The following CNBD1 variants were observed in gnomAD, a reference collection of about 807,000 sequenced individuals.
CNBD1 encodes the protein cyclic nucleotide-binding domain-containing protein 1.
In CNBD1, 71 loss-of-function variants were observed where a neutral mutation model predicts 54.4. That is an observed-to-expected ratio of 1.30 (90% CI 1.08 to 1.59). The LOEUF (loss-of-function observed/expected upper bound fraction) is 1.59, where lower values mean the gene tolerates loss of function less well. Ranked by LOEUF, CNBD1 falls within the 40% of genes most tolerant of loss-of-function variation. The probability of loss-of-function intolerance (pLI) is 0.00; values close to 1 mark genes in which losing one functional copy is unlikely to be tolerated. For missense variants in CNBD1, 659 were observed against 518.0 expected (o/e 1.27, Z -2.64); for synonymous variants, 182 against 170.7 (o/e 1.07, Z -0.51).
chr8:87,427,703 T>C (rs1039285375), intron 2 of CNBD1, among the ~76,000 whole-genome samples: 11 of 152,188 alleles, frequency 7.2e-5, no homozygotes, highest in Non-Finnish European at 7.4e-5. Context: ...GAGGTTATTT[T>C]TGATTTCAAG....
intron 3 of CNBD1, among the ~76,000 whole-genome samples, chr8:86,930,170 C>T (rs1809431972): frequency 6.6e-6 from 1 of 152,170 alleles, no homozygotes; most frequent in South Asian, 2.1e-4. Context: ...TCCCAAAGAA[C>T]CCCCGCAACT....
In CNBD1 at chr8:87,266,438, CTTTTTTTTTTT is replaced by C. The variant is rs72293236; in HGVS notation, c.772-18220_772-18210del. 8.9e-3 allele frequency among the ~76,000 whole-genome samples: 448 copies of C among 50,136 alleles called. 4 individuals carry two copies. Among genetic ancestry groups the C allele is most frequent in the African/African-American group, 0.033 (378 of 11,616 alleles). The allele number at this position is 50,136 out of a possible 152,430, so 32.9% of individuals were successfully genotyped here. ...GGTCCAAGTAAAAAAAAAAAAAAATCTTTTTTTTTTTTTTTTTTTTTTTTTTTTTTGAGACA... is the reference window on the plus strand; with the variant it reads ...GGTCCAAGTAAAAAAAAAAAAAAATCTTTTTTTTTTTTTTTTTTTGAGACA... On this transcript the variant is annotated intron_variant, in intron 6 of 10. Coordinates refer to ENST00000518476, the MANE Select transcript of CNBD1 (RefSeq NM_173538.3).
At chr8:87,058,319 A>G (rs571070574) in intron 4 of CNBD1, among the ~76,000 whole-genome samples, 3 of 152,256 alleles carry the variant, frequency 2.0e-5, no homozygotes, top group South Asian at 4.1e-4. Context: ...TTTTCCAGGC[A>G]TGTGGTGCAA....
chr8:87,109,291 G>A (rs1282839190), intron 4 of CNBD1, among the ~76,000 whole-genome samples: 2 of 151,992 alleles, frequency 1.3e-5, no homozygotes, highest in Non-Finnish European at 2.9e-5. Flanking sequence ...TTTAGCACTC[G>A]GAGGGTCCCT....
At chr8:87,364,199 T>A (rs1810588328) in intron 10 of CNBD1, among the ~76,000 whole-genome samples, 2 of 151,640 alleles carry the variant, frequency 1.3e-5, no homozygotes, top group South Asian at 2.1e-4. Flanking sequence ...CAAAAAATAT[T>A]GTATATCACA....
chr8:86,940,381 G>A (rs1160808417), intron 4 of CNBD1, among the ~76,000 whole-genome samples: 1 of 152,046 alleles, frequency 6.6e-6, no homozygotes, highest in African/African-American at 2.4e-5. Flanking sequence ...TGGCCAGGGT[G>A]GTCTCGAACT....
intron 2 of CNBD1, among the ~76,000 whole-genome samples, chr8:87,417,224 A>G (rs910040106): frequency 6.6e-6 from 1 of 152,028 alleles, no homozygotes; most frequent in Non-Finnish European, 1.5e-5. Context: ...GATGCAGGCA[A>G]GAGTGAATGT....
At chr8:86,982,732 A>G (rs894290515) in intron 4 of CNBD1, among the ~76,000 whole-genome samples, 1 of 152,154 alleles carries the variant, frequency 6.6e-6, no homozygotes, top group Non-Finnish European at 1.5e-5. Flanking sequence ...GAGTTATCCC[A>G]TCTTACCTTC....
At chr8:87,418,357 A>C (rs954340251) in intron 2 of CNBD1, among the ~76,000 whole-genome samples, 8 of 151,950 alleles carry the variant, frequency 5.3e-5, no homozygotes, top group African/African-American at 1.7e-4. Context: ...ACCATGTAAA[A>C]AATTAAATAA....
chr8:86,920,109 G>A (rs1372699538), intron 3 of CNBD1, among the ~76,000 whole-genome samples: 3 of 152,054 alleles, frequency 2.0e-5, no homozygotes, highest in Non-Finnish European at 2.9e-5. Flanking sequence ...TCATCTAAGG[G>A]CTTATTTCAA....
At chr8:87,110,042 G>C (rs913734774) in intron 4 of CNBD1, among the ~76,000 whole-genome samples, 1 of 152,160 alleles carries the variant, frequency 6.6e-6, no homozygotes, top group African/African-American at 2.4e-5. Context: ...GTGAGTCTGT[G>C]CATATTCTTA....
intron 4 of CNBD1, among the ~76,000 whole-genome samples, chr8:87,111,726 T>C (rs1193556270): frequency 7.9e-5 from 12 of 152,166 alleles, no homozygotes; most frequent in Admixed American, 7.9e-4. Flanking sequence ...CATGTATCCT[T>C]TCTCTAGGAA....
At chr8:87,270,676 G>A (rs1041544564) in intron 6 of CNBD1, among the ~76,000 whole-genome samples, 1 of 151,700 alleles carries the variant, frequency 6.6e-6, no homozygotes, top group African/African-American at 2.4e-5. Flanking sequence ...ATATTGGCCT[G>A]TAGTTTCTTT....
chr8:86,984,478 CTG>C (rs1251660528), intron 4 of CNBD1, among the ~76,000 whole-genome samples: 1 of 152,118 alleles, frequency 6.6e-6, no homozygotes, highest in Non-Finnish European at 1.5e-5. Context: ...ACATCTTGCA[CTG>C]TGTGTCTGGA....
chr8:87,219,997 A>G (rs1272796350), intron 5 of CNBD1, among the ~76,000 whole-genome samples: 2 of 152,052 alleles, frequency 1.3e-5, no homozygotes, highest in Non-Finnish European at 2.9e-5. Context: ...ATAAATTCCT[A>G]TAAACTTTGG....
intron 8 of CNBD1, among the ~76,000 whole-genome samples, chr8:87,320,524 C>T (rs1348575577): frequency 6.6e-6 from 1 of 151,232 alleles, no homozygotes; most frequent in Non-Finnish European, 1.5e-5. Context: ...AATTATGTGC[C>T]ACCTCCCTTA....
At chr8:87,232,735 A>G (rs141809817) in intron 5 of CNBD1, among the ~76,000 whole-genome samples, 6 of 152,284 alleles carry the variant, frequency 3.9e-5, no homozygotes, top group African/African-American at 1.4e-4. Flanking sequence ...AAATGCAAAT[A>G]TACTGTATCC....
chr8:87,211,668 T>C (rs1814101293), intron 5 of CNBD1, among the ~76,000 whole-genome samples: 1 of 152,196 alleles, frequency 6.6e-6, no homozygotes, highest in South Asian at 2.1e-4. Flanking sequence ...GCTTCCATTT[T>C]ACCTTCTACT....
At chr8:87,332,960 G>T (rs149139407) in intron 8 of CNBD1, among the ~76,000 whole-genome samples, 1 of 152,048 alleles carries the variant, frequency 6.6e-6, no homozygotes, top group African/African-American at 2.4e-5. Context: ...AATTACTTTG[G>T]GCAGTATGGT....
Sources: gnomAD v4.1 joint callset for allele counts (sites outside exome capture counted in the v4.1 genomes callset) on GRCh38, gnomAD v4.1.1 for gene constraint, MANE v1.5 for transcripts, NCBI Gene and HGNC (gene_info 2026-07-23, HGNC 2026-07-21) for gene names.